Variants in C1orf21 observed in about 807,000 individuals in gnomAD.
The protein encoded by C1orf21 is uncharacterized protein C1orf21.
Under a neutral mutation model 18.7 loss-of-function variants are expected in C1orf21, and 3 were observed. The ratio of observed to expected loss-of-function variants is 0.16; its 90% CI spans 0.07 to 0.42. The LOEUF is 0.42. C1orf21 is among the 10% of genes least tolerant of loss of function. C1orf21 has a pLI of 0.99. For synonymous variants in C1orf21, 41 were observed against 46.4 expected (o/e 0.88, Z 0.47); for missense variants, 104 against 143.6 (o/e 0.72, Z 1.41).
At chr1:184,589,398 G>A (rs1476808195) in intron 3 of C1orf21, among the ~76,000 whole-genome samples, 1 of 152,222 alleles carries the variant, frequency 6.6e-6, no homozygotes, top group Non-Finnish European at 1.5e-5. Flanking sequence ...TGCCGCTCAT[G>A]AAGTGCCAGG....
At chr1:184,429,221 C>T (rs978018483) in intron 1 of C1orf21, among the ~76,000 whole-genome samples, 5 of 152,108 alleles carry the variant, frequency 3.3e-5, no homozygotes, top group East Asian at 1.9e-4. Context: ...GACCTCAGCA[C>T]GTTGCTAGCA....
chr1:184,463,593 G>T (rs1371220301), intron 1 of C1orf21, among the ~76,000 whole-genome samples: 3 of 152,150 alleles, frequency 2.0e-5, no homozygotes, highest in Admixed American at 1.3e-4. Context: ...TTTGTGCAAA[G>T]AATTGGATAG....
chr1:184,501,049 T>G (rs889674330), intron 2 of C1orf21, among the ~76,000 whole-genome samples: 2 of 152,142 alleles, frequency 1.3e-5, no homozygotes, highest in African/African-American at 4.8e-5. Context: ...TTGCCTTTTT[T>G]CAGAGAGAGG....
intron 3 of C1orf21, among the ~76,000 whole-genome samples, chr1:184,536,716 A>G (rs769658028): frequency 1.4e-4 from 21 of 152,198 alleles, no homozygotes; most frequent in Non-Finnish European, 2.6e-4. Flanking sequence ...CCTATGAAAA[A>G]AATTCAGACA....
chr1:184,400,378 C>T (rs571377941), intron 1 of C1orf21, among the ~76,000 whole-genome samples: 1 of 151,900 alleles, frequency 6.6e-6, no homozygotes, highest in East Asian at 1.9e-4. Flanking sequence ...ACATATGTGT[C>T]CACTCAGATA....
intron 3 of C1orf21, among the ~76,000 whole-genome samples, chr1:184,570,676 G>A (rs1029916186): frequency 3.3e-5 from 5 of 152,186 alleles, no homozygotes; most frequent in African/African-American, 4.8e-5. Context: ...CAGAATTAAA[G>A]CATAGTGAAC....
chr1:184,479,525 G>A (rs989293203), intron 2 of C1orf21, among the ~76,000 whole-genome samples: 9 of 151,428 alleles, frequency 5.9e-5, no homozygotes, highest in African/African-American at 1.5e-4. Context: ...ACCCAGCTAC[G>A]AAGTGCTAGA....
intron 5 of C1orf21, among the ~76,000 whole-genome samples, chr1:184,614,300 C>T (rs1156444855): frequency 2.6e-5 from 4 of 152,206 alleles, no homozygotes; most frequent in Admixed American, 1.3e-4. Flanking sequence ...GTTTTATTGT[C>T]CCCATTTTAC....
chr1:184,489,790 A>G (rs974648748), intron 2 of C1orf21, among the ~76,000 whole-genome samples: 1 of 152,198 alleles, frequency 6.6e-6, no homozygotes, highest in Admixed American at 6.5e-5. Flanking sequence ...ATATATGTAA[A>G]ATTCTGTGTG....
chr1:184,494,735 G>A (rs942916560), intron 2 of C1orf21, among the ~76,000 whole-genome samples: 1 of 152,088 alleles, frequency 6.6e-6, no homozygotes, highest in African/African-American at 2.4e-5. Flanking sequence ...CTGAGGCTTA[G>A]CAACATGGAA....
intron 3 of C1orf21, among the ~76,000 whole-genome samples, chr1:184,520,440 G>A (rs1658290798): frequency 6.6e-6 from 1 of 152,210 alleles, no homozygotes; most frequent in South Asian, 2.1e-4. Flanking sequence ...TAGCACATGG[G>A]TCTGACATTA....
intron 1 of C1orf21, among the ~76,000 whole-genome samples, chr1:184,409,003 G>C (rs1656290844): frequency 6.6e-6 from 1 of 152,216 alleles, no homozygotes; most frequent in Admixed American, 6.5e-5. Flanking sequence ...GTCAGCATTG[G>C]TCCTAGAAGA....
intron 4 of C1orf21, among the ~76,000 whole-genome samples, chr1:184,596,522 A>G (rs1265561416): frequency 6.6e-6 from 1 of 152,212 alleles, no homozygotes; most frequent in African/African-American, 2.4e-5. Flanking sequence ...TTCTAGGGCA[A>G]CATTTCTGGG....
At chr1:184,601,535 C>T (rs1366960201) in intron 5 of C1orf21, among the ~76,000 whole-genome samples, 4 of 152,164 alleles carry the variant, frequency 2.6e-5, no homozygotes, top group Admixed American at 1.3e-4. Context: ...TTTACCTTTG[C>T]ACCACAGCTG....
chr1:184,534,430 A>G (rs890266238), intron 3 of C1orf21, among the ~76,000 whole-genome samples: 2 of 152,230 alleles, frequency 1.3e-5, no homozygotes, highest in Non-Finnish European at 2.9e-5. Context: ...TTCTCATTCC[A>G]GGTGTAAAGA....
At position 184,421,496 on chromosome 1, in the gene C1orf21, A is replaced by G. The variant is rs139029177; in HGVS notation, c.-125+34128A>G. Among the ~76,000 whole-genome samples the G allele has an allele frequency of 2.7e-3, 412 of 152,318 alleles. 4 individuals are homozygous for G. The highest frequency in any genetic ancestry group is 9.3e-3 in the African/African-American group (387 of 41,558). ...TAAAACAAAACAACAACAATATTCA[A>G]CATATGCCAGCATTAGGAAATTTTT... On this transcript the variant is annotated intron_variant, in intron 1 of 5. Coordinates refer to ENST00000235307, the MANE Select transcript of C1orf21 (RefSeq NM_030806.4).
At chr1:184,557,321 T>A (rs76892488) in intron 3 of C1orf21, among the ~76,000 whole-genome samples, 158 of 152,218 alleles carry the variant, frequency 1.0e-3, no homozygotes, top group African/African-American at 3.6e-3. Flanking sequence ...TCTTTAGTGG[T>A]GATTTCTGAG....
intron 5 of C1orf21, among the ~76,000 whole-genome samples, chr1:184,611,844 G>C (rs1659740437): frequency 6.6e-6 from 1 of 152,078 alleles, no homozygotes; most frequent in Non-Finnish European, 1.5e-5. Context: ...TAATAGACTT[G>C]GGAGACTCAG....
At chr1:184,448,527 T>C (rs1272035407) in intron 1 of C1orf21, among the ~76,000 whole-genome samples, 1 of 152,246 alleles carries the variant, frequency 6.6e-6, no homozygotes, top group Non-Finnish European at 1.5e-5. Context: ...TGCAGAGCTG[T>C]GAACTAACCA....
Sources: gnomAD v4.1 joint callset for allele counts (sites outside exome capture counted in the v4.1 genomes callset) on GRCh38, gnomAD v4.1.1 for gene constraint, MANE v1.5 for transcripts, NCBI Gene and HGNC (gene_info 2026-07-23, HGNC 2026-07-21) for gene names.